Variants in RBFOX1 observed in about 807,000 individuals in gnomAD.
The protein encoded by RBFOX1 is RNA binding fox-1 homolog 1.
RBFOX1 carries 8 observed loss-of-function variants against 57.7 expected under a neutral mutation model. The observed-to-expected ratio is 0.14, with a 90% CI of 0.08 to 0.25. RBFOX1 has a LOEUF of 0.25. Ranked by LOEUF, RBFOX1 falls within the 10% of genes least tolerant of loss-of-function variation. The pLI is 1.00. For missense variants in RBFOX1, 611 were observed against 548.5 expected (o/e 1.11, Z -1.14); for synonymous variants, 326 against 222.4 (o/e 1.47, Z -4.15).
chr16:6,844,010 G>A (rs1454284146), intron 3 of RBFOX1, among the ~76,000 whole-genome samples: 2 of 151,994 alleles, frequency 1.3e-5, no homozygotes, highest in Non-Finnish European at 2.9e-5. Flanking sequence ...GGCATTTTCT[G>A]TCTGAACCTT....
At position 6,926,772 on chromosome 16, in the gene RBFOX1, TCTG is replaced by T. The variant is rs578247054; in HGVS notation, c.-15-125281_-15-125279del. 2.3e-3 allele frequency among the ~76,000 whole-genome samples: 354 copies of T among 152,332 alleles called. 1 individual carries two copies. The highest frequency in any genetic ancestry group is 7.5e-3 in the African/African-American group (311 of 41,578). ...CTTGGAGACTGAACTTTTAAATGCT[TCTG>T]CTGGGTCTCTTGAGTTCTTAAAATT... On this transcript the variant is annotated intron_variant, in intron 3 of 15. Transcript: ENST00000550418.
intron 3 of RBFOX1, among the ~76,000 whole-genome samples, chr16:6,741,728 G>T (rs897992306): frequency 6.6e-6 from 1 of 151,372 alleles, no homozygotes; most frequent in African/African-American, 2.4e-5. Context: ...ATATTGGAAA[G>T]AAAAGCTATA....
intron 4 of RBFOX1, among the ~76,000 whole-genome samples, chr16:7,448,008 A>G (rs1443288494): frequency 1.3e-5 from 2 of 152,202 alleles, no homozygotes; most frequent in African/African-American, 4.8e-5. Flanking sequence ...ACTCTTTAGA[A>G]ACACCCACCC....
chr16:7,629,984 C>T (rs147813498), intron 10 of RBFOX1, among the ~76,000 whole-genome samples: 3 of 152,188 alleles, frequency 2.0e-5, no homozygotes, highest in East Asian at 1.9e-4. Context: ...TTTCTTTCTC[C>T]GCCTTACTTC....
chr16:7,447,299 G>A (rs1400468109), intron 4 of RBFOX1, among the ~76,000 whole-genome samples: 1 of 151,876 alleles, frequency 6.6e-6, no homozygotes, highest in South Asian at 2.1e-4. Context: ...CAGCTGTGGT[G>A]GCACACACCT....
intron 3 of RBFOX1, among the ~76,000 whole-genome samples, chr16:6,787,785 G>A (rs1488221220): frequency 6.6e-6 from 1 of 152,182 alleles, no homozygotes; most frequent in East Asian, 1.9e-4. Context: ...AAAGGACTTA[G>A]TCTTCCTCCA....
intron 3 of RBFOX1, among the ~76,000 whole-genome samples, chr16:6,897,979 T>G (rs1250404479): frequency 6.6e-6 from 1 of 152,162 alleles, no homozygotes; most frequent in Admixed American, 6.5e-5. Flanking sequence ...ACTTAAGGTC[T>G]GTAACTCTGC....
chr16:6,861,146 G>C (rs777934659), intron 3 of RBFOX1, among the ~76,000 whole-genome samples: 2 of 152,038 alleles, frequency 1.3e-5, no homozygotes, highest in African/African-American at 4.8e-5. Context: ...AGCATCTTCC[G>C]TATTTTTTAT....
chr16:5,340,534 G>C (rs1225390331), intron 1 of RBFOX1, among the ~76,000 whole-genome samples: 1 of 152,158 alleles, frequency 6.6e-6, no homozygotes, highest in Non-Finnish European at 1.5e-5. Context: ...GAAGTTTTTG[G>C]TAACAGTTAA....
At chr16:7,481,651 C>T (rs2063966358) in intron 4 of RBFOX1, among the ~76,000 whole-genome samples, 1 of 152,150 alleles carries the variant, frequency 6.6e-6, no homozygotes, top group Non-Finnish European at 1.5e-5. Flanking sequence ...ATTTGGTATT[C>T]CTTGTACCAA....
intron 3 of RBFOX1, among the ~76,000 whole-genome samples, chr16:6,722,602 A>G (rs2066246536): frequency 6.6e-6 from 1 of 152,218 alleles, no homozygotes; most frequent in Admixed American, 6.5e-5. Context: ...AGAATAATCA[A>G]GGGGTCCTTA....
intron 3 of RBFOX1, among the ~76,000 whole-genome samples, chr16:6,970,098 A>G (rs1457887240): frequency 6.6e-6 from 1 of 152,064 alleles, no homozygotes; most frequent in Non-Finnish European, 1.5e-5. Context: ...AGATGATTTG[A>G]GCCTAGGGGT....
chr16:6,323,554 C>A (rs1309182048), intron 2 of RBFOX1, among the ~76,000 whole-genome samples: 1 of 152,168 alleles, frequency 6.6e-6, no homozygotes, highest in Admixed American at 6.5e-5. Flanking sequence ...TTTGTACTTT[C>A]AAATTATTCT....
At chr16:6,359,348 C>T (rs1405648315) in intron 2 of RBFOX1, among the ~76,000 whole-genome samples, 4 of 152,100 alleles carry the variant, frequency 2.6e-5, no homozygotes, top group East Asian at 1.9e-4. Context: ...CCTGCCTCAG[C>T]CCCCAAAGTG....
chr16:6,847,798 A>G (rs2093838022), intron 3 of RBFOX1, among the ~76,000 whole-genome samples: 1 of 151,910 alleles, frequency 6.6e-6, no homozygotes, highest in Non-Finnish European at 1.5e-5. Context: ...AAATCTGGTA[A>G]TTTTACTATG....
At chr16:6,007,695 G>A (rs2094935611) in intron 4 of RBFOX1, among the ~76,000 whole-genome samples, 1 of 152,192 alleles carries the variant, frequency 6.6e-6, no homozygotes, top group South Asian at 2.1e-4. Flanking sequence ...ATACTTGTGG[G>A]ATGAATGAAC....
At chr16:7,256,814 C>G (rs1757321571) in intron 4 of RBFOX1, among the ~76,000 whole-genome samples, 1 of 152,164 alleles carries the variant, frequency 6.6e-6, no homozygotes, top group Non-Finnish European at 1.5e-5. Flanking sequence ...AGCTCTCTCA[C>G]CGTTCTACGC....
chr16:6,226,331 C>G (rs963691842), intron 1 of RBFOX1, among the ~76,000 whole-genome samples: 1 of 132,294 alleles, frequency 7.6e-6, no homozygotes, highest in Non-Finnish European at 1.5e-5. Context: ...CAAAATCATG[C>G]CATTGCACTC....
At chr16:6,642,596 CA>C (rs945270410) in intron 2 of RBFOX1, among the ~76,000 whole-genome samples, 9 of 150,000 alleles carry the variant, frequency 6.0e-5, no homozygotes, top group African/African-American at 1.5e-4. Flanking sequence ...AACCACACTC[CA>C]AAAAAAAAGT....
Sources: gnomAD v4.1 joint callset for allele counts (sites outside exome capture counted in the v4.1 genomes callset) on GRCh38, gnomAD v4.1.1 for gene constraint, MANE v1.5 for transcripts, NCBI Gene and HGNC (gene_info 2026-07-23, HGNC 2026-07-21) for gene names.